Variants in HS6ST3 observed in about 807,000 individuals in gnomAD.
HS6ST3 encodes heparan sulfate 6-O-sulfotransferase 3.
In HS6ST3, 12 loss-of-function variants were observed where a neutral mutation model predicts 36.7. The observed-to-expected ratio is 0.33, with a 90% CI of 0.21 to 0.53. The LOEUF (loss-of-function observed/expected upper bound fraction) is 0.53. Among genes scored for constraint, HS6ST3 ranks in the 20% least tolerant of loss-of-function variants. The pLI is 0.95. For missense variants in HS6ST3, 584 were observed against 640.9 expected (o/e 0.91, Z 0.96); for synonymous variants, 240 against 257.5 (o/e 0.93, Z 0.65).
chr13:96,575,904 A>G (rs1456923913), intron 1 of HS6ST3, among the ~76,000 whole-genome samples: 1 of 152,202 alleles, frequency 6.6e-6, no homozygotes, highest in East Asian at 1.9e-4. Flanking sequence ...GATCCCAAGG[A>G]CCTGACACTG....
intron 1 of HS6ST3, among the ~76,000 whole-genome samples, chr13:96,528,645 C>T (rs2056124042): frequency 6.6e-6 from 1 of 152,202 alleles, no homozygotes; most frequent in African/African-American, 2.4e-5. Flanking sequence ...TACTATAACA[C>T]TGTACAAAAG....
chr13:96,648,582 C>G (rs1279471850), intron 1 of HS6ST3, among the ~76,000 whole-genome samples: 2 of 151,432 alleles, frequency 1.3e-5, no homozygotes, highest in Non-Finnish European at 2.9e-5. Flanking sequence ...TTTGCTGTAC[C>G]TATCAACCCA....
At chr13:96,665,922 G>T (rs974180059) in intron 1 of HS6ST3, among the ~76,000 whole-genome samples, 1 of 152,152 alleles carries the variant, frequency 6.6e-6, no homozygotes, top group Non-Finnish European at 1.5e-5. Context: ...TGTTGAGGCA[G>T]ATTTTAAACT....
At position 96,561,862 on chromosome 13, in the gene HS6ST3, A is replaced by G. The variant is rs1188045797; in HGVS notation, c.708-270628A>G. Among the ~76,000 whole-genome samples the G allele has an allele frequency of 3.3e-5, 5 of 152,194 alleles. No individual in the cohort carries two copies. In the South Asian group the frequency reaches 1.0e-3, roughly 31 times the overall value. On this transcript the variant is annotated intron_variant, in intron 1 of 1. Coordinates refer to ENST00000376705, the MANE Select transcript of HS6ST3 (RefSeq NM_153456.4). Reference sequence around the variant, plus strand: ...ACATCAGTCAGAATGTCTGTTATTAAAAAGTCAAAAAATAACAGATGCTTA... The same window carrying G: ...ACATCAGTCAGAATGTCTGTTATTAGAAAGTCAAAAAATAACAGATGCTTA...
chr13:96,720,355 A>G (rs941908654), intron 1 of HS6ST3, among the ~76,000 whole-genome samples: 5 of 152,142 alleles, frequency 3.3e-5, no homozygotes, highest in Non-Finnish European at 7.3e-5. Context: ...GACTAAACCT[A>G]CAGGATGCCT....
chr13:96,509,821 A>G (rs939218616), intron 1 of HS6ST3, among the ~76,000 whole-genome samples: 1 of 152,120 alleles, frequency 6.6e-6, no homozygotes, highest in African/African-American at 2.4e-5. Flanking sequence ...TGCTTTAGAT[A>G]TTTGGGCTCT....
At chr13:96,682,511 G>A (rs1480201952) in intron 1 of HS6ST3, among the ~76,000 whole-genome samples, 1 of 152,140 alleles carries the variant, frequency 6.6e-6, no homozygotes, top group Non-Finnish European at 1.5e-5. Context: ...GCAAATGTAA[G>A]AGAATGATTT....
At chr13:96,317,353 TATATATATATATATAAAATTA>T (rs1566322062) in intron 1 of HS6ST3, among the ~76,000 whole-genome samples, 418 of 31,974 alleles carry the variant, frequency 0.013, 8 homozygotes, top group Admixed American at 0.025. Context: ...TATATATATA[TATATATATATATATAAAATTA>T]TATATATATA....
intron 1 of HS6ST3, among the ~76,000 whole-genome samples, chr13:96,111,792 C>T (rs2053869462): frequency 6.6e-6 from 1 of 152,072 alleles, no homozygotes; most frequent in African/African-American, 2.4e-5. Context: ...GAATAAGCTT[C>T]GTTAAGGATG....
At chr13:96,770,279 A>G (rs1877232648) in intron 1 of HS6ST3, among the ~76,000 whole-genome samples, 2 of 152,170 alleles carry the variant, frequency 1.3e-5, no homozygotes, top group South Asian at 4.1e-4. Context: ...GCTCCTATGG[A>G]TGAATTTATT....
chr13:96,210,102 TA>T (rs1381693335), intron 1 of HS6ST3, among the ~76,000 whole-genome samples: 1 of 152,218 alleles, frequency 6.6e-6, no homozygotes, highest in African/African-American at 2.4e-5. Flanking sequence ...TTGGTTGAGA[TA>T]TTTTTTCCCC....
At position 96,404,350 on chromosome 13, in the gene HS6ST3, C is replaced by A. The variant is rs1201974838; in HGVS notation, c.707+312781C>A. Among the ~76,000 whole-genome samples, 4 of 152,208 alleles carry A rather than the reference C, an allele frequency of 2.6e-5. No individual in the cohort carries two copies. In the East Asian group the frequency reaches 7.7e-4, roughly 29 times the overall value. On this transcript the variant is annotated intron_variant, in intron 1 of 1. Transcript: ENST00000376705. ...TGACCCAAAATTGTTAAGGTAGTTG[C>A]CTAAAGAGCCTAATGTATTCTCAAG...
At chr13:96,771,422 A>T (rs61626015) in intron 1 of HS6ST3, among the ~76,000 whole-genome samples, 1,631 of 152,220 alleles carry the variant, frequency 0.011, 27 homozygotes, top group African/African-American at 0.028. Context: ...AAGTATAATT[A>T]AAAAAAATTA....
At chr13:96,244,740 G>C (rs1013331062) in intron 1 of HS6ST3, among the ~76,000 whole-genome samples, 2 of 152,094 alleles carry the variant, frequency 1.3e-5, no homozygotes, top group Non-Finnish European at 2.9e-5. Context: ...GACACCTCTG[G>C]TGCTAATTAT....
chr13:96,524,895 A>G (rs1166328730), intron 1 of HS6ST3, among the ~76,000 whole-genome samples: 3 of 152,176 alleles, frequency 2.0e-5, no homozygotes, highest in Non-Finnish European at 4.4e-5. Flanking sequence ...GAGATGAACC[A>G]GGTACCTTAG....
intron 1 of HS6ST3, among the ~76,000 whole-genome samples, chr13:96,506,235 AAAC>A (rs2056025927): frequency 6.6e-6 from 1 of 152,158 alleles, no homozygotes; most frequent in Admixed American, 6.6e-5. Flanking sequence ...TTTCTTCCAA[AAAC>A]TCTCACTACT....
intron 1 of HS6ST3, among the ~76,000 whole-genome samples, chr13:96,404,389 C>G (rs1200751365): frequency 1.3e-5 from 2 of 152,162 alleles, no homozygotes; most frequent in Non-Finnish European, 2.9e-5. Context: ...CAGATCCTGT[C>G]CTGGAAAGAC....
At chr13:96,814,647 T>C (rs575473383) in intron 1 of HS6ST3, among the ~76,000 whole-genome samples, 1 of 152,242 alleles carries the variant, frequency 6.6e-6, no homozygotes, top group African/African-American at 2.4e-5. Flanking sequence ...AAGATGGATA[T>C]TGGACATACA....
At chr13:96,644,668 CA>C (rs2056581713) in intron 1 of HS6ST3, among the ~76,000 whole-genome samples, 1 of 151,972 alleles carries the variant, frequency 6.6e-6, no homozygotes, top group Admixed American at 6.6e-5. Context: ...TCATAACATG[CA>C]GTCCGTGACT....
Sources: allele counts gnomAD v4.1 joint callset (sites outside exome capture counted in the v4.1 genomes callset), GRCh38; gene constraint gnomAD v4.1.1; transcripts MANE v1.5; gene names NCBI Gene and HGNC (gene_info 2026-07-23, HGNC 2026-07-21).